TRPC4: variants seen among roughly 807,000 people sequenced by gnomAD.
The protein encoded by TRPC4 is short transient receptor potential channel 4.
A neutral mutation model predicts 99.4 loss-of-function variants in TRPC4; 49 were observed. That is an observed-to-expected ratio of 0.49 (90% CI 0.39 to 0.63). The LOEUF (loss-of-function observed/expected upper bound fraction) is 0.63, where lower values mean the gene tolerates loss of function less well. Among genes scored for constraint, TRPC4 ranks in the 20% least tolerant of loss-of-function variants. The pLI, the probability that TRPC4 is intolerant of heterozygous loss-of-function variation, is 0.00. For missense variants in TRPC4, 898 were observed against 1,152.9 expected (o/e 0.78, Z 3.20); for synonymous variants, 454 against 425.9 (o/e 1.07, Z -0.81).
intron 3 of TRPC4, among the ~76,000 whole-genome samples, chr13:37,720,087 A>G (rs7330147): frequency 0.17 from 25,329 of 152,026 alleles, 2,609 homozygotes; most frequent in African/African-American, 0.29. Context: ...AGGAAGAGGA[A>G]AAGATGGGAA....
intron 5 of TRPC4, among the ~76,000 whole-genome samples, chr13:37,664,414 A>C (rs1952566538): frequency 6.6e-6 from 1 of 151,988 alleles, no homozygotes; most frequent in Non-Finnish European, 1.5e-5. Flanking sequence ...TCTCTACTAA[A>C]AATACAAAAA....
intron 1 of TRPC4, among the ~76,000 whole-genome samples, chr13:37,830,323 AAAAT>A (rs1352538957): frequency 6.6e-6 from 1 of 152,206 alleles, no homozygotes; most frequent in Non-Finnish European, 1.5e-5. Flanking sequence ...TCTATAGGAA[AAAAT>A]AAATAAAACA....
At chr13:37,812,680 G>C (rs74047189) in intron 1 of TRPC4, among the ~76,000 whole-genome samples, 3 of 151,970 alleles carry the variant, frequency 2.0e-5, no homozygotes, top group Non-Finnish European at 4.4e-5. Flanking sequence ...TCTTGAGAGA[G>C]AGAAGGTTAA....
At chr13:37,740,632 C>T (rs1464711817) in intron 3 of TRPC4, among the ~76,000 whole-genome samples, 1 of 152,154 alleles carries the variant, frequency 6.6e-6, no homozygotes, top group South Asian at 2.1e-4. Flanking sequence ...AGGCTACACC[C>T]TATGTGTTTC....
In TRPC4 at chr13:37,849,723, A is replaced by G. The variant is rs144355875; in HGVS notation, c.-28+19872T>C. On this transcript the variant is annotated intron_variant, in intron 1 of 10. Coordinates refer to ENST00000379705, the MANE Select transcript of TRPC4 (RefSeq NM_016179.4). ...ACAAACTTGGATTCTCCAGCCTCAG[A>G]ATGTTCAGCACTGACAACCTAACTT... Among the ~76,000 whole-genome samples the G allele has an allele frequency of 1.2e-4, 19 of 152,336 alleles. No individual in the cohort carries two copies. In the East Asian group the frequency reaches 3.3e-3, roughly 26 times the overall value.
intron 3 of TRPC4, among the ~76,000 whole-genome samples, chr13:37,724,399 T>C (rs1310660836): frequency 6.6e-6 from 1 of 152,174 alleles, no homozygotes; most frequent in East Asian, 1.9e-4. Context: ...GAATTAGAAA[T>C]GGTAAAAAGG....
At chr13:37,656,301 T>C (rs1410824930) in intron 6 of TRPC4, among the ~76,000 whole-genome samples, 4 of 152,164 alleles carry the variant, frequency 2.6e-5, no homozygotes, top group African/African-American at 9.6e-5. Flanking sequence ...GAGACTATAT[T>C]TAAATTACAA....
In TRPC4 at chr13:37,649,763, AC is replaced by A. The variant is rs1566067474; in HGVS notation, c.2079+1501del. Among the ~76,000 whole-genome samples, 723 of 98,914 alleles carry A rather than the reference AC, an allele frequency of 7.3e-3. 39 individuals carry two copies. Among genetic ancestry groups the A allele is most frequent in the East Asian group, 0.025 (27 of 1,064 alleles). The allele number at this position is 98,914 out of a possible 152,430, so 64.9% of individuals were successfully genotyped here. ...AAAAAAAAAAAAAAAAAAAAAAACA[AC>A]AACAAAGAACTAAGCTATTACATTT... On this transcript the variant is annotated intron_variant, in intron 8 of 10. Coordinates refer to ENST00000379705, the MANE Select transcript of TRPC4 (RefSeq NM_016179.4).
chr13:37,775,520 G>C (rs1423994337), intron 2 of TRPC4, among the ~76,000 whole-genome samples: 1 of 150,744 alleles, frequency 6.6e-6, no homozygotes, highest in African/African-American at 2.4e-5. Flanking sequence ...CTAGGTATTA[G>C]CCCAGCATCC....
At chr13:37,795,919 C>T (rs1210255061) in intron 1 of TRPC4, among the ~76,000 whole-genome samples, 1 of 152,144 alleles carries the variant, frequency 6.6e-6, no homozygotes, top group Non-Finnish European at 1.5e-5. Flanking sequence ...TAATAACTCC[C>T]TCACGGTCAT....
At chr13:37,717,378 A>AT (rs1393212681) in intron 3 of TRPC4, among the ~76,000 whole-genome samples, 3 of 152,146 alleles carry the variant, frequency 2.0e-5, no homozygotes, top group African/African-American at 4.8e-5. Flanking sequence ...CATAGGTTGT[A>AT]TTTTACACAC....
intron 8 of TRPC4, among the ~76,000 whole-genome samples, chr13:37,640,985 G>A (rs1300108214): frequency 6.6e-6 from 1 of 151,988 alleles, no homozygotes; most frequent in Admixed American, 6.6e-5. Flanking sequence ...ATCCAATGAG[G>A]AAATTTTCAA....
At chr13:37,827,480 T>C (rs1239199481) in intron 1 of TRPC4, among the ~76,000 whole-genome samples, 1 of 152,174 alleles carries the variant, frequency 6.6e-6, no homozygotes, top group Non-Finnish European at 1.5e-5. Flanking sequence ...TTGTTAGTTT[T>C]CCTTCTAACA....
chr13:37,843,351 G>C (rs1566216881), intron 1 of TRPC4, among the ~76,000 whole-genome samples: 1 of 152,128 alleles, frequency 6.6e-6, no homozygotes, highest in Non-Finnish European at 1.5e-5. Context: ...CCTAGTTATA[G>C]CCATTATTGG....
intron 2 of TRPC4, among the ~76,000 whole-genome samples, chr13:37,781,143 A>G (rs2139339587): frequency 6.6e-6 from 1 of 152,254 alleles, no homozygotes; most frequent in East Asian, 1.9e-4. Flanking sequence ...TATTCTGGTC[A>G]GTACAAATGT....
chr13:37,824,537 G>T (rs1958138993), intron 1 of TRPC4, among the ~76,000 whole-genome samples: 1 of 152,016 alleles, frequency 6.6e-6, no homozygotes, highest in South Asian at 2.1e-4. Context: ...TAATCATGTG[G>T]TTTTTGTCTT....
chr13:37,821,742 G>T (rs888755647), intron 1 of TRPC4, among the ~76,000 whole-genome samples: 13 of 152,208 alleles, frequency 8.5e-5, no homozygotes, highest in African/African-American at 3.1e-4. Flanking sequence ...AATGATGCTG[G>T]GATAACTGGC....
chr13:37,680,202 G>T (rs9576336), intron 4 of TRPC4, among the ~76,000 whole-genome samples: 13,110 of 152,248 alleles, frequency 0.086, 773 homozygotes, highest in East Asian at 0.26. Context: ...GAAGTTATGA[G>T]CTTGGTACAA....
At chr13:37,775,422 C>T (rs1338945728) in intron 2 of TRPC4, among the ~76,000 whole-genome samples, 2 of 147,628 alleles carry the variant, frequency 1.4e-5, no homozygotes, top group South Asian at 2.2e-4. Flanking sequence ...TTTTAATTTC[C>T]AACTTTTAAG....
Sources: allele counts gnomAD v4.1 joint callset (sites outside exome capture counted in the v4.1 genomes callset), GRCh38; gene constraint gnomAD v4.1.1; transcripts MANE v1.5; gene names NCBI Gene and HGNC (gene_info 2026-07-23, HGNC 2026-07-21).